The following CPQ variants were observed in gnomAD, a reference collection of about 807,000 sequenced individuals.
CPQ encodes the protein carboxypeptidase Q.
A neutral mutation model predicts 45.7 loss-of-function variants in CPQ; 37 were observed. The observed-to-expected ratio is 0.81, with a 90% CI of 0.62 to 1.07. The LOEUF is 1.07. CPQ is among the 50% of genes least tolerant of loss of function. The pLI is 0.00. For missense variants in CPQ, 537 were observed against 572.9 expected, an observed-to-expected ratio of 0.94 and a Z score of 0.64; for synonymous variants, 186 against 205.8, an observed-to-expected ratio of 0.90 and a Z score of 0.82.
At chr8:96,649,652 G>A (rs1217984457) in intron 1 of CPQ, among the ~76,000 whole-genome samples, 1 of 152,208 alleles carries the variant, frequency 6.6e-6, no homozygotes, top group Non-Finnish European at 1.5e-5. Context: ...AGAGGTAGCT[G>A]TGGAACATCT....
At chr8:96,880,263 T>A (rs76533568) in intron 4 of CPQ, among the ~76,000 whole-genome samples, 147 of 152,158 alleles carry the variant, frequency 9.7e-4, no homozygotes, top group African/African-American at 3.4e-3. Flanking sequence ...AACACTTATA[T>A]GTTGTTGGAG....
At chr8:96,700,760 G>C (rs1424992608) in intron 1 of CPQ, among the ~76,000 whole-genome samples, 1 of 152,180 alleles carries the variant, frequency 6.6e-6, no homozygotes, top group Non-Finnish European at 1.5e-5. Flanking sequence ...AGCTGGAGGA[G>C]GGAGGAGGTA....
At chr8:97,070,751 T>C (rs1425424333) in intron 7 of CPQ, among the ~76,000 whole-genome samples, 1 of 152,152 alleles carries the variant, frequency 6.6e-6, no homozygotes, top group Non-Finnish European at 1.5e-5. Flanking sequence ...AGACAATACA[T>C]GACTTAAAGT....
intron 4 of CPQ, among the ~76,000 whole-genome samples, chr8:96,882,676 T>C (rs1010813925): frequency 1.4e-4 from 22 of 152,186 alleles, no homozygotes; most frequent in African/African-American, 5.1e-4. Flanking sequence ...GAGATAGTGC[T>C]GGCTCTGACA....
At chr8:96,843,392 AG>A (rs1477698040) in intron 3 of CPQ, among the ~76,000 whole-genome samples, 8 of 152,158 alleles carry the variant, frequency 5.3e-5, no homozygotes, top group Non-Finnish European at 7.4e-5. Context: ...AAGAGAAGAA[AG>A]GAAAGAAAGA....
At chr8:96,820,475 C>T (rs559162324) in intron 2 of CPQ, among the ~76,000 whole-genome samples, 1 of 151,910 alleles carries the variant, frequency 6.6e-6, no homozygotes, top group Non-Finnish European at 1.5e-5. Context: ...CTTCTCCCCT[C>T]TCCCCTTCCT....
At chr8:96,786,755 G>T (rs1810773706) in intron 2 of CPQ, among the ~76,000 whole-genome samples, 1 of 152,056 alleles carries the variant, frequency 6.6e-6, no homozygotes, top group South Asian at 2.1e-4. Context: ...GTTTTGATTT[G>T]CATTTCCCTA....
rs950789375 is a variant in CPQ at position 96,905,459 on chromosome 8, C to G, written c.849+25454C>G. Among the ~76,000 whole-genome samples the G allele has an allele frequency of 2.0e-5, 3 of 152,212 alleles. No homozygotes were observed. The South Asian group carries it at 6.2e-4, about 32-fold the overall frequency. On this transcript the variant is annotated intron_variant, in intron 4 of 7. Transcript: ENST00000220763. ...TAAGAACAGCTGATGAACACTGCCCCATACAAAGCTGACTCTCAGATTGTC... is the reference window on the plus strand; with the variant it reads ...TAAGAACAGCTGATGAACACTGCCCGATACAAAGCTGACTCTCAGATTGTC...
At position 97,094,244 on chromosome 8, in the gene CPQ, C is replaced by T. The variant is rs535009117; in HGVS notation, c.1255+28034C>T. Among the ~76,000 whole-genome samples, 18 of 152,242 alleles carry T rather than the reference C, an allele frequency of 1.2e-4. No homozygotes were observed. In the East Asian group the frequency reaches 3.3e-3, roughly 28 times the overall value. On this transcript the variant is annotated intron_variant, in intron 7 of 7. Coordinates refer to ENST00000220763, the MANE Select transcript of CPQ (RefSeq NM_016134.4). ...GAATTGAGTTTAAAGGCTCCAATTC[C>T]CTTGCAGGTTACACTGTCTATCTAG...
intron 4 of CPQ, among the ~76,000 whole-genome samples, chr8:96,944,188 G>A (rs923847393): frequency 1.3e-5 from 2 of 151,930 alleles, no homozygotes; most frequent in Admixed American, 6.6e-5. Context: ...ACTGAATCCC[G>A]GAGTTCTGTC....
rs138822862 is a variant in CPQ at position 96,836,266 on chromosome 8, A to G, written c.641+1086A>G. On this transcript the variant is annotated intron_variant, in intron 3 of 7. Coordinates refer to ENST00000220763, the MANE Select transcript of CPQ (RefSeq NM_016134.4). ...ATTAGCACCCTACACCCCTGAAAATAAAAATAACTGGGGAACATATGTCAG... is the reference window on the plus strand; with the variant it reads ...ATTAGCACCCTACACCCCTGAAAATGAAAATAACTGGGGAACATATGTCAG... Among the ~76,000 whole-genome samples, 3 of 152,278 alleles carry G rather than the reference A, an allele frequency of 2.0e-5. No homozygotes were observed. The East Asian group carries it at 5.8e-4, about 29-fold the overall frequency.
At chr8:96,911,897 G>A (rs1467891035) in intron 4 of CPQ, among the ~76,000 whole-genome samples, 1 of 152,190 alleles carries the variant, frequency 6.6e-6, no homozygotes, top group Non-Finnish European at 1.5e-5. Flanking sequence ...AAGGGCACAG[G>A]CTGTAGTATC....
At chr8:96,880,044 C>T in intron 4 of CPQ, 39 bp downstream of exon 4, 1 of 1,563,164 alleles carries the variant, frequency 6.4e-7, no homozygotes, top group Admixed American at 1.7e-5. Flanking sequence ...ATACAGTTTC[C>T]TGGTCTAGTT....
At chr8:96,926,538 T>C (rs572612051) in intron 4 of CPQ, among the ~76,000 whole-genome samples, 50 of 147,188 alleles carry the variant, frequency 3.4e-4, no homozygotes, top group African/African-American at 1.3e-3. Flanking sequence ...TTCTTTTTCT[T>C]CTTCTTCCTC....
At chr8:96,664,253 T>C (rs1325269725) in intron 1 of CPQ, among the ~76,000 whole-genome samples, 1 of 152,184 alleles carries the variant, frequency 6.6e-6, no homozygotes, top group Non-Finnish European at 1.5e-5. Flanking sequence ...TATTTGGCTT[T>C]GGAAAGGAGG....
intron 4 of CPQ, among the ~76,000 whole-genome samples, chr8:96,940,967 GC>G (rs780583845): frequency 6.6e-6 from 1 of 152,146 alleles, no homozygotes; most frequent in Non-Finnish European, 1.5e-5. Flanking sequence ...ACTGGTGTCA[GC>G]TCCTTAAAAT....
intron 5 of CPQ, among the ~76,000 whole-genome samples, chr8:96,989,269 C>T (rs1809044248): frequency 6.6e-6 from 1 of 152,056 alleles, no homozygotes; most frequent in Non-Finnish European, 1.5e-5. Flanking sequence ...ATATGCGTGA[C>T]CAGTTCTACA....
At chr8:97,069,737 CT>C (rs921631755) in intron 7 of CPQ, among the ~76,000 whole-genome samples, 26 of 151,974 alleles carry the variant, frequency 1.7e-4, no homozygotes, top group Admixed American at 1.6e-3. Flanking sequence ...TTTTTTCTTT[CT>C]TTTTTTCTTT....
At chr8:96,735,069 A>T (rs950481844) in intron 1 of CPQ, among the ~76,000 whole-genome samples, 2 of 151,584 alleles carry the variant, frequency 1.3e-5, no homozygotes, top group African/African-American at 4.9e-5. Flanking sequence ...AACTTCCTTG[A>T]CTTTTGGGCC....
Sources: allele counts gnomAD v4.1 joint callset (sites outside exome capture counted in the v4.1 genomes callset), GRCh38; gene constraint gnomAD v4.1.1; transcripts MANE v1.5; gene names NCBI Gene and HGNC (gene_info 2026-07-23, HGNC 2026-07-21).